Variants in TTC3 observed in about 807,000 individuals in gnomAD.
TTC3 encodes tetratricopeptide repeat domain 3, also known as E3 ubiquitin-protein ligase TTC3.
A neutral mutation model predicts 249.6 loss-of-function variants in TTC3; 180 were observed. The observed-to-expected ratio is 0.72, with a 90% CI of 0.64 to 0.82. The LOEUF is 0.82. TTC3 is among the 40% of genes least tolerant of loss of function. The pLI is 0.00. For synonymous variants in TTC3, 717 were observed against 805.0 expected, an observed-to-expected ratio of 0.89 and a Z score of 1.85; for missense variants, 2,061 against 2,398.4, an observed-to-expected ratio of 0.86 and a Z score of 2.94.
In TTC3 at chr21:37,101,978, T is replaced by C. The variant is rs368216966; in HGVS notation, c.845+5335T>C. Among the ~76,000 whole-genome samples the C allele has an allele frequency of 1.6e-4, 24 of 149,868 alleles. No homozygotes were observed. The South Asian group carries it at 2.1e-3, about 13-fold the overall frequency. ...TTATTTTATTTACAATGTTAAATTA[T>C]AGATATATTAGTATGTAGATTTCCA... On this transcript the variant is annotated intron_variant, in intron 10 of 45. Coordinates refer to ENST00000355666, the Ensembl canonical transcript of TTC3.
intron 1 of TTC3, among the ~76,000 whole-genome samples, chr21:37,078,452 A>T (rs983718404): frequency 6.6e-6 from 1 of 152,070 alleles, no homozygotes; most frequent in African/African-American, 2.4e-5. Context: ...ATCTCTATTT[A>T]TGTAAAGTTT....
At chr21:37,127,227 G>T (rs2077106063) in intron 15 of TTC3, among the ~76,000 whole-genome samples, 1 of 152,098 alleles carries the variant, frequency 6.6e-6, no homozygotes, top group Admixed American at 6.5e-5. Flanking sequence ...CCTCCCAAAG[G>T]TTCCACTTCC....
intron 10 of TTC3, among the ~76,000 whole-genome samples, chr21:37,103,346 C>T (rs1378380721): frequency 6.6e-6 from 1 of 152,202 alleles, no homozygotes; most frequent in East Asian, 1.9e-4. Flanking sequence ...CCATGTCACA[C>T]AGTCTTCAAG....
intron 11 of TTC3, among the ~76,000 whole-genome samples, chr21:37,114,591 A>C (rs557737739): frequency 0.037 from 5,678 of 152,214 alleles, 310 homozygotes; most frequent in African/African-American, 0.13. Context: ...GTGGGACTGT[A>C]AACTAGTTCA....
chr21:37,118,760 C>CT (rs2147855681), intron 11 of TTC3, among the ~76,000 whole-genome samples: 1 of 152,242 alleles, frequency 6.6e-6, no homozygotes, highest in Admixed American at 6.5e-5. Context: ...GCTTCCCTCT[C>CT]TGATTTTTAC....
intron 30 of TTC3, among the ~76,000 whole-genome samples, chr21:37,161,785 T>G (rs1356381486): frequency 2.0e-5 from 3 of 152,240 alleles, no homozygotes; most frequent in Non-Finnish European, 4.4e-5. Context: ...CATTGGAAAC[T>G]ATCCTAAATG....
At chr21:37,191,740 G>A (rs765605570) in intron 40 of TTC3, among the ~76,000 whole-genome samples, 1 of 152,036 alleles carries the variant, frequency 6.6e-6, no homozygotes, top group South Asian at 2.1e-4. Flanking sequence ...CACCATGCTC[G>A]GCTAATTTTG....
intron 41 of TTC3, chr21:37,194,520 G>T (rs918250008): frequency 6.6e-6 from 1 of 152,154 alleles, no homozygotes; most frequent in Non-Finnish European, 1.5e-5. Flanking sequence ...AAGCATGGGA[G>T]TAATGATGCT....
Position 37,153,289 on chromosome 21 carries a change from T to C in TTC3, c.2740+12T>C, listed in dbSNP as rs776889681. The C allele has an allele frequency of 1.3e-6, 2 of 1,598,382 alleles. No homozygotes were observed. Among genetic ancestry groups the C allele is most frequent in the African/African-American group, 2.7e-5 (2 of 73,914 alleles). On this transcript the variant is annotated intron_variant, in intron 27 of 45. Transcript: ENST00000355666. ...ACTTAATAGCTTTGGTATGTCCCTT[T>C]ATATTCCAGAGCAATAAACTTTAAT...
intron 12 of TTC3, among the ~76,000 whole-genome samples, chr21:37,122,615 C>T (rs78977247): frequency 4.0e-5 from 6 of 151,770 alleles, no homozygotes; most frequent in East Asian, 3.9e-4. Context: ...TTTTCTTCTT[C>T]GGGTTGTACA....
intron 32 of TTC3, 107 bp from the exon 33 acceptor site, chr21:37,165,443 T>G (rs1328014360): frequency 7.2e-6 from 6 of 831,886 alleles, no homozygotes; most frequent in Admixed American, 2.4e-5. Flanking sequence ...TTGAGATCAG[T>G]GAAAAGTGAA....
intron 24 of TTC3, among the ~76,000 whole-genome samples, chr21:37,150,460 G>C (rs1228369362): frequency 6.6e-6 from 1 of 151,868 alleles, no homozygotes; most frequent in Non-Finnish European, 1.5e-5. Flanking sequence ...TAAACTTTTG[G>C]GCAGTAGTGG....
At chr21:37,076,370 T>C (rs2070860233) in intron 1 of TTC3, among the ~76,000 whole-genome samples, 1 of 152,224 alleles carries the variant, frequency 6.6e-6, no homozygotes, top group African/African-American at 2.4e-5. Flanking sequence ...GTTTTGCTGT[T>C]ATGAAGTTAT....
At chr21:37,197,584 G>A in exon 43 of TTC3, 4 of 1,611,806 alleles carry the variant, frequency 2.5e-6, no homozygotes, top group Non-Finnish European at 3.4e-6. Flanking sequence ...GAGCTTGCTG[G>A]TTTTATTAAA....
chr21:37,131,616 C>T (rs553033552), intron 16 of TTC3, among the ~76,000 whole-genome samples: 9 of 152,098 alleles, frequency 5.9e-5, no homozygotes, highest in Non-Finnish European at 1.2e-4. Flanking sequence ...TGGGAACCCT[C>T]TTGTAGTCAG....
At chr21:37,096,665 AACC>A in intron 10 of TTC3, 22 bp downstream of exon 10, 1 of 1,562,570 alleles carries the variant, frequency 6.4e-7, no homozygotes, top group African/African-American at 1.4e-5. Flanking sequence ...AAAATATCTC[AACC>A]ACTGAATTAT....
At chr21:37,124,323 G>A (rs2076886534) in intron 13 of TTC3, among the ~76,000 whole-genome samples, 1 of 151,624 alleles carries the variant, frequency 6.6e-6, no homozygotes, top group Non-Finnish European at 1.5e-5. Flanking sequence ...CACCATGTTG[G>A]CCAGGCTGGT....
At chr21:37,121,703 T>TA (rs2076598705) in intron 11 of TTC3, 114 bp from the exon 12 acceptor site, 1 of 982,066 alleles carries the variant, frequency 1.0e-6, no homozygotes. Flanking sequence ...GGTAGGGACC[T>TA]AATCTAATAT....
chr21:37,082,481 C>T, intron 1 of TTC3: 1 of 985,286 alleles, frequency 1.0e-6, no homozygotes, highest in Non-Finnish European at 1.2e-6. Flanking sequence ...GCATTTCTAT[C>T]AGCTTTGTCT....
Sources: allele counts gnomAD v4.1 joint callset (sites outside exome capture counted in the v4.1 genomes callset), GRCh38; gene constraint gnomAD v4.1.1; transcripts MANE v1.5; gene names NCBI Gene and HGNC (gene_info 2026-07-23, HGNC 2026-07-21).